The following MPRIP variants were observed in gnomAD, a reference collection of about 807,000 sequenced individuals.
The protein encoded by MPRIP is myosin phosphatase Rho-interacting protein.
In MPRIP, 59 loss-of-function variants were observed where a neutral mutation model predicts 234.9. That is an observed-to-expected ratio of 0.25 (90% CI 0.20 to 0.31). The LOEUF (loss-of-function observed/expected upper bound fraction) is 0.31. MPRIP is among the 10% of genes least tolerant of loss of function. MPRIP has a pLI of 1.00. For missense variants in MPRIP, 2,436 were observed against 3,071.0 expected, an observed-to-expected ratio of 0.79 and a Z score of 4.89; for synonymous variants, 1,144 against 1,263.9, an observed-to-expected ratio of 0.91 and a Z score of 2.01.
chr17:17,067,710 A>C (rs1163371918), intron 1 of MPRIP, among the ~76,000 whole-genome samples: 1 of 150,840 alleles, frequency 6.6e-6, no homozygotes, highest in Non-Finnish European at 1.5e-5. Flanking sequence ...TTTGTCATGT[A>C]ATTTGTTTGG....
At chr17:17,111,321 G>T (rs2090167264) in intron 3 of MPRIP, among the ~76,000 whole-genome samples, 1 of 151,320 alleles carries the variant, frequency 6.6e-6, no homozygotes, top group Non-Finnish European at 1.5e-5. Flanking sequence ...TGGAAAGCAG[G>T]TGCCAGTGGC....
At chr17:17,088,300 C>T (rs2089637465) in intron 3 of MPRIP, among the ~76,000 whole-genome samples, 1 of 152,218 alleles carries the variant, frequency 6.6e-6, no homozygotes, top group South Asian at 2.1e-4. Flanking sequence ...TGTGGGTGGA[C>T]TTCTCTGCAG....
At chr17:17,152,177 C>T (rs534122718) in intron 12 of MPRIP, among the ~76,000 whole-genome samples, 14 of 152,396 alleles carry the variant, frequency 9.2e-5, no homozygotes, top group African/African-American at 2.9e-4. Context: ...GACAGCCTGG[C>T]ACCAGGGCCG....
At chr17:17,175,221 C>T in intron 19 of MPRIP, 72 bp from the exon 20 acceptor site, 1 of 1,608,284 alleles carries the variant, frequency 6.2e-7, no homozygotes, top group Non-Finnish European at 8.5e-7. Context: ...GGGAAATGGC[C>T]TTCCCGGGTT....
chr17:17,148,475 C>T (rs566375677), intron 11 of MPRIP, among the ~76,000 whole-genome samples: 2 of 152,330 alleles, frequency 1.3e-5, no homozygotes, highest in Admixed American at 1.3e-4. Context: ...GACCAGTGGT[C>T]ACTGGATTCT....
chr17:17,051,801 CTCAG>C (rs750074987), intron 1 of MPRIP, among the ~76,000 whole-genome samples: 1 of 152,220 alleles, frequency 6.6e-6, no homozygotes, highest in Non-Finnish European at 1.5e-5. Context: ...CACTGGTTTT[CTCAG>C]TCAGGGTCAT....
chr17:17,177,335 G>A lies in MPRIP; in HGVS notation c.7043G>A (p.Arg2348Lys), dbSNP rs1675580982. Residue 2348 changes from arginine (R) to lysine (K), a missense_variant, in exon 22 of 24, where the codon AGG becomes AAG. This residue lies in a region of MPRIP where 1,998 missense variants were observed against 2,520.3 expected (regional missense o/e 0.79). Transcript: ENST00000651222. ...AKAKADCDIS[R>K]LKEQLKAATE... ...GCTAAGGCTGACTGTGACATCAGCA[G>A]GTTGAAGGAGCAGCTCAAGGCTGCA... 6.2e-7 allele frequency: 1 copy of A among 1,613,858 alleles called. No individual in the cohort carries two copies. Among genetic ancestry groups the A allele is most frequent in the African/African-American group, 1.3e-5 (1 of 74,944 alleles).
At chr17:17,158,387 C>G in intron 13 of MPRIP, 45 bp from the exon 14 acceptor site, 1 of 1,501,820 alleles carries the variant, frequency 6.7e-7, no homozygotes, top group Non-Finnish European at 8.9e-7. Context: ...GCAGGCCACA[C>G]CAGAGCCGCC....
At position 17,136,360 on chromosome 17, in the gene MPRIP, G is replaced by T. The variant is rs772328645; in HGVS notation, c.646G>T (p.Gly216Cys). The change falls in exon 6 of 24, where the codon GGC (glycine) becomes TGC (cysteine). Residue 216 changes from glycine to cysteine, a missense_variant. Physicochemically the swap from Gly to Cys is radical, Grantham distance 159 (BLOSUM62 -3). Coordinates refer to ENST00000651222, the MANE Select transcript of MPRIP (RefSeq NM_001364716.4). ...EEMRTKDQPD[G>C]SSLSPAQSPS... Reference sequence around the variant, plus strand: ...AATGAGGACCAAGGACCAGCCAGATGGCAGCAGCCTGAGTCCAGCTCAGAG... The same window carrying T: ...AATGAGGACCAAGGACCAGCCAGATTGCAGCAGCCTGAGTCCAGCTCAGAG... 6.2e-7 allele frequency: 1 copy of T among 1,611,512 alleles called. No homozygotes were observed. The highest frequency in any genetic ancestry group is 8.5e-7 in the Non-Finnish European group (1 of 1,178,826).
Position 17,164,807 on chromosome 17 carries a change from T to A in MPRIP, c.3216T>A (p.Thr1072=). The A allele has an allele frequency of 7.7e-7, 1 of 1,304,078 alleles. No individual in the cohort carries two copies. Among genetic ancestry groups the A allele is most frequent in the South Asian group, 1.2e-5 (1 of 81,034 alleles). The allele number at this position is 1,304,078 out of a possible 1,614,324, so 80.8% of individuals were successfully genotyped here. A position where few individuals can be genotyped will look rare whatever the true frequency, so the allele number is the denominator to read the frequency against. The part of the protein sequence containing the change: ...ETLQKEKLSA[T]FEGSEQVHQL... ...TGCAGAAGGAGAAGCTGAGCGCCAC[T>A]TTCGAGGGCAGTGAGCAGGTGCACC... is the stretch of plus-strand genomic sequence containing the variant. The change falls in exon 16 of 24, where the codon ACT becomes ACA. Residue 1072 remains threonine, a synonymous_variant. Transcript: ENST00000651222.
chr17:17,116,786 A>T (rs537710058), intron 3 of MPRIP, among the ~76,000 whole-genome samples: 26 of 152,304 alleles, frequency 1.7e-4, no homozygotes, highest in Admixed American at 1.5e-3. Flanking sequence ...AGGTGCTGTC[A>T]GCCTGGGGCT....
intron 1 of MPRIP, among the ~76,000 whole-genome samples, chr17:17,058,783 C>A (rs1452863573): frequency 6.6e-6 from 1 of 152,144 alleles, no homozygotes; most frequent in Non-Finnish European, 1.5e-5. Context: ...TAAGGCAGTG[C>A]TGTTGGATAG....
intron 3 of MPRIP, among the ~76,000 whole-genome samples, chr17:17,087,298 G>T (rs760377642): frequency 6.6e-6 from 1 of 152,114 alleles, no homozygotes; most frequent in Admixed American, 6.5e-5. Context: ...CTCCTGTCCC[G>T]ACTTAGAGCC....
chr17:17,050,476 A>G lies in MPRIP; in HGVS notation c.123+7505A>G, dbSNP rs1016996975. 3.9e-5 allele frequency among the ~76,000 whole-genome samples: 6 copies of G among 152,110 alleles called. No homozygotes were observed. In the South Asian group the frequency reaches 6.2e-4, roughly 16 times the overall value. On this transcript the variant is annotated intron_variant, in intron 1 of 23. Coordinates refer to ENST00000651222, the MANE Select transcript of MPRIP (RefSeq NM_001364716.4). ...CAGACGAGCCACTTTCCCACTGCTTAGTAGCCTGGTGGTGTGGCCGCTGCC... is the reference window on the plus strand; with the variant it reads ...CAGACGAGCCACTTTCCCACTGCTTGGTAGCCTGGTGGTGTGGCCGCTGCC...
At chr17:17,091,676 A>T (rs1273389489) in intron 3 of MPRIP, among the ~76,000 whole-genome samples, 1 of 152,152 alleles carries the variant, frequency 6.6e-6, no homozygotes, top group East Asian at 1.9e-4. Context: ...GCCCTGCTTA[A>T]AGAGGCAGGG....
chr17:17,075,987 T>G, intron 2 of MPRIP, 200 bp downstream of exon 2: 1 of 536,156 alleles, frequency 1.9e-6, no homozygotes, highest in Non-Finnish European at 3.3e-6. Flanking sequence ...TAGTGCTCCC[T>G]TCAGAATGAG....
intron 3 of MPRIP, among the ~76,000 whole-genome samples, chr17:17,083,749 G>A (rs945604486): frequency 6.6e-6 from 1 of 151,928 alleles, no homozygotes; most frequent in Non-Finnish European, 1.5e-5. Context: ...GTTTTTGTTT[G>A]TTTGTTTGTT....
chr17:17,103,706 G>T (rs2090008514), intron 3 of MPRIP, among the ~76,000 whole-genome samples: 1 of 152,188 alleles, frequency 6.6e-6, no homozygotes, highest in Admixed American at 6.5e-5. Context: ...GACATCAGGG[G>T]TGGGGGCTGA....
intron 3 of MPRIP, among the ~76,000 whole-genome samples, chr17:17,103,647 A>G (rs1231277955): frequency 1.3e-5 from 2 of 152,144 alleles, no homozygotes; most frequent in Non-Finnish European, 2.9e-5. Flanking sequence ...GTCAGCATTG[A>G]TGTTGGTTCC....
Sources: gnomAD v4.1 joint callset for allele counts (sites outside exome capture counted in the v4.1 genomes callset) on GRCh38, gnomAD v4.1.1 for gene constraint, gnomAD v4.1.1 regional missense constraint, MANE v1.5 for transcripts, NCBI Gene and HGNC (gene_info 2026-07-23, HGNC 2026-07-21) for gene names.